The following SPANXN1 variants were observed in gnomAD, a reference collection of about 807,000 sequenced individuals.
SPANXN1 encodes sperm protein associated with the nucleus on the X chromosome N1.
SPANXN1 carries 1 observed loss-of-function variant against 2.0 expected under a neutral mutation model. That is an observed-to-expected ratio of 0.50 (90% CI 0.18 to 2.36). The LOEUF (loss-of-function observed/expected upper bound fraction) is 2.36. Ranked by LOEUF, SPANXN1 falls within the 30% of genes most tolerant of loss-of-function variation. The probability of loss-of-function intolerance (pLI) is 0.26; values close to 1 mark genes in which losing one functional copy is unlikely to be tolerated. For missense variants in SPANXN1, 55 were observed against 51.8 expected (o/e 1.06, Z -0.19); for synonymous variants, 27 against 21.3 (o/e 1.27, Z -0.74).
Position 145,247,654 on chromosome X carries a change from A to G in SPANXN1, c.68A>G (p.Asn23Ser), listed in dbSNP as rs782580316. ...AGCCCCTGTGAATCCAACAATGAAA[A>G]TGATGAGGTAAGATTGTTAGGTTTT... Reference protein sequence around the residue: ...RKSPCESNNENDEMQETPNRD... With the variant: ...RKSPCESNNESDEMQETPNRD... The change falls in exon 1 of 2, where the codon AAT becomes AGT. Residue 23 changes from asparagine to serine, a missense_variant. Physicochemically the swap from Asn to Ser is conservative, Grantham distance 46. Transcript: ENST00000370493. The G allele has an allele frequency of 1.7e-6, 2 of 1,207,226 alleles. No homozygotes were observed. The highest frequency in any genetic ancestry group is 3.5e-5 in the South Asian group (2 of 56,851).
intron 1 of SPANXN1, among the ~76,000 whole-genome samples, chrX:145,251,946 G>C (rs1273580577): frequency 9.0e-6 from 1 of 111,443 alleles, no homozygotes; most frequent in East Asian, 2.8e-4. Flanking sequence ...TAGGGGTTAG[G>C]ACAAACCCAT....
intron 1 of SPANXN1, among the ~76,000 whole-genome samples, chrX:145,248,986 G>A (rs782490769): frequency 2.7e-5 from 3 of 111,511 alleles, no homozygotes; most frequent in African/African-American, 9.8e-5. Context: ...GTTGTAACAT[G>A]TTTAGTTAAG....
At chrX:145,250,997 G>A (rs1226662363) in intron 1 of SPANXN1, among the ~76,000 whole-genome samples, 1 of 112,098 alleles carries the variant, frequency 8.9e-6, no homozygotes, top group Non-Finnish European at 1.9e-5. Flanking sequence ...CCTTTGCTAG[G>A]GTGAGGGCCC....
intron 1 of SPANXN1, among the ~76,000 whole-genome samples, chrX:145,247,862 C>T (rs1278142426): frequency 3.6e-5 from 4 of 112,550 alleles, no homozygotes; most frequent in African/African-American, 9.7e-5. Context: ...GCTTGCTGCC[C>T]GGCAGGATAT....
At chrX:145,249,157 G>C (rs1569479749) in intron 1 of SPANXN1, among the ~76,000 whole-genome samples, 4 of 110,928 alleles carry the variant, frequency 3.6e-5, no homozygotes, top group Non-Finnish European at 7.5e-5. Context: ...CCAGGTTTAT[G>C]TGGCCAGGTT....
Position 145,247,590 on chromosome X carries a change from G to A in SPANXN1, c.4G>A (p.Glu2Lys), listed in dbSNP as rs782364774. The change falls in exon 1 of 2, where the codon GAA (glutamate) becomes AAA (lysine). Residue 2 changes from glutamate (E) to lysine (K), a missense_variant. Transcript: ENST00000370493. M[E>K]QPTSSINGEK... ...CATTCTACAACCAACCAGAATCATG[G>A]AACAGCCCACTTCAAGCATCAATGG... is the stretch of plus-strand genomic sequence containing the variant. 1.7e-6 allele frequency: 2 copies of A among 1,210,292 alleles called. No individual in the cohort carries two copies. Among genetic ancestry groups the A allele is most frequent in the South Asian group, 1.8e-5 (1 of 56,957 alleles).
chrX:145,255,415 A>T (rs1437900602), intron 1 of SPANXN1, among the ~76,000 whole-genome samples: 1 of 111,325 alleles, frequency 9.0e-6, no homozygotes, highest in Non-Finnish European at 1.9e-5. Flanking sequence ...CCCCCATGGG[A>T]TGTTTCACTT....
rs367926721 is a variant in SPANXN1 at position 145,255,717 on chromosome X, A to G, written c.122A>G (p.Lys41Arg). The part of the protein sequence containing the change: ...NRDLAPEPSL[K>R]KMKTSEYSTV... ...GACTTAGCCCCCGAACCGAGTTTGA[A>G]AAAGATGAAAACGTCAGAATATTCA... Residue 41 changes from lysine to arginine, a missense_variant, in exon 2 of 2, where the codon AAA becomes AGA. Transcript: ENST00000370493. The G allele has an allele frequency of 5.0e-6, 6 of 1,210,708 alleles. No homozygotes were observed. Among genetic ancestry groups the G allele is most frequent in the Non-Finnish European group, 6.7e-6 (6 of 895,434 alleles).
chrX:145,249,572 G>C (rs2070776987), intron 1 of SPANXN1, among the ~76,000 whole-genome samples: 1 of 111,552 alleles, frequency 9.0e-6, no homozygotes, highest in African/African-American at 3.3e-5. Flanking sequence ...GTACAGTGAG[G>C]CTGGTCCTGT....
chrX:145,250,341 G>A lies in SPANXN1; in HGVS notation c.75+2680G>A, dbSNP rs148619186. 6.7e-3 allele frequency among the ~76,000 whole-genome samples: 743 copies of A among 111,100 alleles called. 9 individuals are homozygous for A. Among genetic ancestry groups the A allele is most frequent in the African/African-American group, 0.022 (679 of 30,499 alleles). ...GAGGTATAGGAATCACTTTCTGGGG[G>A]GCATGTGAGTGATGTTGATTTGCTA... On this transcript the variant is annotated intron_variant, in intron 1 of 1. Coordinates refer to ENST00000370493, the MANE Select transcript of SPANXN1 (RefSeq NM_001009614.3).
intron 1 of SPANXN1, among the ~76,000 whole-genome samples, chrX:145,251,478 T>A (rs1368331218): frequency 9.0e-6 from 1 of 111,228 alleles, no homozygotes; most frequent in Admixed American, 9.5e-5. Context: ...ACCCAAGATT[T>A]TTAGTCAGAG....
chrX:145,249,094 A>G (rs151103674), intron 1 of SPANXN1, among the ~76,000 whole-genome samples: 67 of 111,541 alleles, frequency 6.0e-4, no homozygotes, highest in Middle Eastern at 9.3e-3. Context: ...AAGATTATAA[A>G]CAGGATTTGG....
At chrX:145,250,978 C>T (rs1440503329) in intron 1 of SPANXN1, among the ~76,000 whole-genome samples, 4 of 111,987 alleles carry the variant, frequency 3.6e-5, no homozygotes, top group African/African-American at 1.3e-4. Context: ...TAAATGTTGA[C>T]CCTCTTTCCC....
At position 145,247,535 on chromosome X, in the gene SPANXN1, A is replaced by C. The variant is rs1228074928; in HGVS notation, c.-52A>C. On this transcript the variant is annotated 5_prime_UTR_variant, in exon 1 of 2. Transcript: ENST00000370493. ...TGGGAAGCTTCAATACAGCTGTGCA[A>C]GTCTGGAGTCTACAAGAGCCTACTA... 1 of 1,135,978 alleles carries C rather than the reference A, an allele frequency of 8.8e-7. No homozygotes were observed. Among genetic ancestry groups the C allele is most frequent in the Admixed American group, 2.2e-5 (1 of 45,545 alleles). 93.6% of individuals were successfully genotyped at this position (1,135,978 alleles called of 1,213,427 possible). A position where few individuals can be genotyped will look rare whatever the true frequency, so the allele number is the denominator to read the frequency against.
rs1239711204 is a variant in SPANXN1 at position 145,247,634 on chromosome X, C to T, written c.48C>T (p.Pro16=). The part of the protein sequence containing the change: ...SSINGEKRKS[P]CESNNENDEM... ...TCAATGGGGAGAAGAGGAAGAGCCC[C>T]TGTGAATCCAACAATGAAAATGATG... Residue 16 remains proline, a synonymous_variant, in exon 1 of 2, where the codon CCC becomes CCT. Coordinates refer to ENST00000370493, the MANE Select transcript of SPANXN1 (RefSeq NM_001009614.3). The T allele has an allele frequency of 1.7e-6, 2 of 1,208,095 alleles. No homozygotes were observed. The highest frequency in any genetic ancestry group is 2.2e-6 in the Non-Finnish European group (2 of 894,029).
chrX:145,248,412 A>G (rs1439114492), intron 1 of SPANXN1, among the ~76,000 whole-genome samples: 6 of 111,615 alleles, frequency 5.4e-5, no homozygotes, highest in African/African-American at 2.0e-4. Flanking sequence ...TAACGGCCCT[A>G]AGAAAGGGAC....
At position 145,255,769 on chromosome X, in the gene SPANXN1, A is replaced by G. The variant is rs5966490; in HGVS notation, c.174A>G (p.Lys58=). Reference sequence around the variant, plus strand: ...CAGTATTAGCGTTTTGCTACAGGAAAGCTAAGAAAATACATTCAAATCAAC... The same window carrying G: ...CAGTATTAGCGTTTTGCTACAGGAAGGCTAAGAAAATACATTCAAATCAAC... ...YSTVLAFCYR[K]AKKIHSNQLE... is the part of the protein sequence containing the mutation. The change falls in exon 2 of 2, where the codon AAA becomes AAG. Residue 58 remains lysine, a synonymous_variant. Coordinates refer to ENST00000370493, the MANE Select transcript of SPANXN1 (RefSeq NM_001009614.3). The G allele has an allele frequency of 0.017, 20,512 of 1,210,605 alleles. 965 individuals carry two copies. The African/African-American group carries it at 0.18, about 10-fold the overall frequency.
In SPANXN1 at chrX:145,255,640, T is replaced by C. The variant is rs782711908; in HGVS notation, c.76-31T>C. On this transcript the variant is annotated intron_variant, in intron 1 of 1. Transcript: ENST00000370493. ...TCTATCCTATTCACCCAAAATAATG[T>C]CTTTCTGGCCTCTCCCTGTTTTCTT... is the stretch of plus-strand genomic sequence containing the variant. 1.8e-5 allele frequency: 22 copies of C among 1,209,203 alleles called. No homozygotes were observed. The Middle Eastern group carries it at 1.8e-3, about 101-fold the overall frequency.
At chrX:145,248,854 C>T (rs1327725181) in intron 1 of SPANXN1, among the ~76,000 whole-genome samples, 17 of 111,562 alleles carry the variant, frequency 1.5e-4, no homozygotes, top group South Asian at 3.8e-4. Flanking sequence ...CAGAAGGATA[C>T]AGGTTGCAGT....
Sources: allele counts gnomAD v4.1 joint callset (sites outside exome capture counted in the v4.1 genomes callset), GRCh38; gene constraint gnomAD v4.1.1; transcripts MANE v1.5; gene names NCBI Gene and HGNC (gene_info 2026-07-23, HGNC 2026-07-21).